SYNJ1: variants seen among roughly 807,000 people sequenced by gnomAD.
SYNJ1 encodes the protein synaptojanin 1.
SYNJ1 carries 78 observed loss-of-function variants against 168.2 expected under a neutral mutation model. The ratio of observed to expected loss-of-function variants is 0.46; its 90% CI spans 0.39 to 0.56. The LOEUF (loss-of-function observed/expected upper bound fraction) is 0.56. SYNJ1 is among the 20% of genes least tolerant of loss of function. SYNJ1 has a pLI of 0.00. For missense variants in SYNJ1, 1,303 were observed against 1,597.6 expected (o/e 0.82, Z 3.14); for synonymous variants, 539 against 548.6 (o/e 0.98, Z 0.24).
chr21:32,700,782 T>C (rs2095837757), intron 3 of SYNJ1, among the ~76,000 whole-genome samples: 1 of 152,252 alleles, frequency 6.6e-6, no homozygotes, highest in African/African-American at 2.4e-5. Context: ...TTCACACTCA[T>C]TTTAACAAGT....
Position 32,646,514 on chromosome 21 carries a change from G to C in SYNJ1, c.3126C>G (p.Pro1042=), listed in dbSNP as rs1601264866. The part of the protein sequence containing the change: ...PSSSSGLGTS[P]SSSPRTSPCQ... ...AGGGACTAGTTCGGGGTGAAGAGCT[G>C]GGGGAAGTACCAAGGCCGGAACTTG... The change falls in exon 24 of 33, where the codon CCC becomes CCG. Residue 1042 remains proline, a synonymous_variant. Transcript: ENST00000674351. 1 of 1,614,122 alleles carries C rather than the reference G, an allele frequency of 6.2e-7. No individual in the cohort carries two copies. The highest frequency in any genetic ancestry group is 8.5e-7 in the Non-Finnish European group (1 of 1,179,990).
At chr21:32,699,098 G>C (rs764749390) in intron 4 of SYNJ1, among the ~76,000 whole-genome samples, 1 of 151,946 alleles carries the variant, frequency 6.6e-6, no homozygotes, top group Non-Finnish European at 1.5e-5. Context: ...AGGAAAGATG[G>C]ATACACTCAA....
chr21:32,632,542 G>T (rs1457401175), intron 32 of SYNJ1, among the ~76,000 whole-genome samples: 2 of 151,932 alleles, frequency 1.3e-5, no homozygotes, highest in Non-Finnish European at 2.9e-5. Context: ...TGTGCCACCA[G>T]GTCTAGCTAA....
Position 32,657,672 on chromosome 21 carries a change from A to G in SYNJ1, c.2461+44T>C, listed in dbSNP as rs983950828. ...ATTATGTCATTCCCTGCTTCCTCAT[A>G]AGTTTACATTAGTTCATTTAAATAA... On this transcript the variant is annotated intron_variant, in intron 19 of 32. Coordinates refer to ENST00000674351, the MANE Select transcript of SYNJ1 (RefSeq NM_203446.3). 11 of 1,516,838 alleles carry G rather than the reference A, an allele frequency of 7.3e-6. No homozygotes were observed. In the Admixed American group the frequency reaches 1.6e-4, roughly 22 times the overall value. The allele number at this position is 1,516,838 out of a possible 1,614,324, so 94.0% of individuals were successfully genotyped here.
intron 18 of SYNJ1, among the ~76,000 whole-genome samples, chr21:32,662,108 C>A (rs1044666345): frequency 2.6e-5 from 4 of 152,142 alleles, no homozygotes; most frequent in Admixed American, 2.6e-4. Flanking sequence ...GTGAAACCTG[C>A]AGCTGCTGAA....
At chr21:32,720,988 T>C (rs2068670764) in intron 2 of SYNJ1, among the ~76,000 whole-genome samples, 1 of 152,246 alleles carries the variant, frequency 6.6e-6, no homozygotes. Flanking sequence ...TGACAGTCTT[T>C]GTGTATGTGT....
chr21:32,676,736 T>C (rs1328267983), intron 12 of SYNJ1, among the ~76,000 whole-genome samples: 1 of 152,194 alleles, frequency 6.6e-6, no homozygotes, highest in Non-Finnish European at 1.5e-5. Context: ...ACTGCCCTAA[T>C]ACACACCTTT....
intron 4 of SYNJ1, among the ~76,000 whole-genome samples, chr21:32,695,549 ATG>A (rs1261953171): frequency 6.6e-6 from 1 of 151,966 alleles, no homozygotes; most frequent in Non-Finnish European, 1.5e-5. Context: ...TTTATATATA[ATG>A]TGTTTATAAC....
chr21:32,727,911 C>A, intron 1 of SYNJ1, 35 bp downstream of exon 1: 2 of 1,531,434 alleles, frequency 1.3e-6, no homozygotes, highest in Non-Finnish European at 1.7e-6. Context: ...TGGGTCTGGC[C>A]GCAGCAGCTC....
At chr21:32,700,810 G>A (rs531298751) in intron 3 of SYNJ1, among the ~76,000 whole-genome samples, 1 of 152,262 alleles carries the variant, frequency 6.6e-6, no homozygotes, top group South Asian at 2.1e-4. Context: ...AAATAGTAAA[G>A]TTGAAAAAAT....
intron 2 of SYNJ1, among the ~76,000 whole-genome samples, chr21:32,707,456 A>G (rs1048860860): frequency 2.0e-5 from 3 of 151,390 alleles, no homozygotes; most frequent in Admixed American, 6.6e-5. Flanking sequence ...CAGGACTACT[A>G]CTGAGTAGTA....
intron 31 of SYNJ1, among the ~76,000 whole-genome samples, chr21:32,637,412 T>TC (rs1401331239): frequency 1.4e-5 from 2 of 142,094 alleles, no homozygotes; most frequent in East Asian, 4.0e-4. Flanking sequence ...TTTTCTTTTT[T>TC]TTTTTTTTTT....
intron 2 of SYNJ1, among the ~76,000 whole-genome samples, chr21:32,721,815 T>C (rs1725944828): frequency 6.6e-6 from 1 of 152,258 alleles, no homozygotes; most frequent in Non-Finnish European, 1.5e-5. Flanking sequence ...CCAATAGGAT[T>C]TGTCAATAAC....
chr21:32,689,086 T>C (rs766131948), intron 6 of SYNJ1, among the ~76,000 whole-genome samples: 2 of 152,192 alleles, frequency 1.3e-5, no homozygotes, highest in Non-Finnish European at 2.9e-5. Flanking sequence ...TTTTCTTTTC[T>C]TACACAGGAG....
chr21:32,721,092 T>A (rs1311030793), intron 2 of SYNJ1, among the ~76,000 whole-genome samples: 2 of 152,224 alleles, frequency 1.3e-5, no homozygotes, highest in African/African-American at 4.8e-5. Context: ...GAAAAAAATA[T>A]GTACCTGTTT....
rs193263043 is a variant in SYNJ1 at position 32,722,798 on chromosome 21, T to G, written c.124+3974A>C. On this transcript the variant is annotated intron_variant, in intron 2 of 32. Coordinates refer to ENST00000674351, the MANE Select transcript of SYNJ1 (RefSeq NM_203446.3). ...AACCTGAGCAGAATTCCATATGATA[T>G]GAAGGCACTATACTCAAAGTGCTAC... is the stretch of plus-strand genomic sequence containing the variant. Among the ~76,000 whole-genome samples, 607 of 152,292 alleles carry G rather than the reference T, an allele frequency of 4.0e-3. 3 individuals carry two copies. Among genetic ancestry groups the G allele is most frequent in the African/African-American group, 0.014 (583 of 41,556 alleles).
intron 2 of SYNJ1, among the ~76,000 whole-genome samples, chr21:32,705,221 C>T (rs844999): frequency 0.56 from 84,161 of 151,538 alleles, 24,050 homozygotes; most frequent in African/African-American, 0.69. Flanking sequence ...GATAGAAACA[C>T]AGATATAAGT....
upstream of SYNJ1, chr21:32,728,060 G>A (rs2043560794): frequency 1.3e-6 from 2 of 1,526,042 alleles, no homozygotes; most frequent in African/African-American, 1.4e-5. Context: ...GCCGGGGGCG[G>A]AAGATCCGCC....
intron 2 of SYNJ1, among the ~76,000 whole-genome samples, chr21:32,705,666 A>G (rs80355140): frequency 0.014 from 2,165 of 152,268 alleles, 71 homozygotes; most frequent in African/African-American, 0.05. Context: ...CTAGCAAACC[A>G]TCACCTTTAT....
Sources: allele counts gnomAD v4.1 joint callset (sites outside exome capture counted in the v4.1 genomes callset), GRCh38; gene constraint gnomAD v4.1.1; transcripts MANE v1.5; gene names NCBI Gene and HGNC (gene_info 2026-07-23, HGNC 2026-07-21).